Variants in DAB2IP observed in about 807,000 individuals in gnomAD.
DAB2IP encodes the protein DAB2 interacting protein, also known as disabled homolog 2-interacting protein.
In DAB2IP, 28 loss-of-function variants were observed where a neutral mutation model predicts 107.2. The observed-to-expected ratio is 0.26, with a 90% CI of 0.19 to 0.36. The LOEUF (loss-of-function observed/expected upper bound fraction) is 0.36, where lower values mean the gene tolerates loss of function less well. Among genes scored for constraint, DAB2IP ranks in the 10% least tolerant of loss-of-function variants. DAB2IP has a pLI of 1.00. For synonymous variants in DAB2IP, 755 were observed against 706.4 expected, an observed-to-expected ratio of 1.07 and a Z score of -1.09; for missense variants, 1,400 against 1,644.7, an observed-to-expected ratio of 0.85 and a Z score of 2.57.
Position 121,699,353 on chromosome 9 carries a change from C to A in DAB2IP, c.257C>A (p.Ser86Tyr). 6.8e-7 allele frequency: 1 copy of A among 1,474,680 alleles called. No individual in the cohort carries two copies. The highest frequency in any genetic ancestry group is 9.1e-7 in the Non-Finnish European group (1 of 1,102,356). The allele number at this position is 1,474,680 out of a possible 1,614,324, so 91.3% of individuals were successfully genotyped here. A position where few individuals can be genotyped will look rare whatever the true frequency, so the allele number is the denominator to read the frequency against. Reference sequence around the variant, plus strand: ...TTCCTCAGCCGCCGCCTCAAGGGCTCCATCAAGCGCACCAAGAGCCAGCCC... The same window carrying A: ...TTCCTCAGCCGCCGCCTCAAGGGCTACATCAAGCGCACCAAGAGCCAGCCC... The change falls in exon 3 of 16, where the codon TCC becomes TAC. Residue 86 changes from serine to tyrosine, a missense_variant. Physicochemically the swap from Ser to Tyr is moderately radical, Grantham distance 144. Coordinates refer to ENST00000408936, the Ensembl canonical transcript of DAB2IP. This position sits in a 1 kb window ranked among gnomAD's most constrained non-coding sequence, Gnocchi z 6.2.
chr9:121,705,782 A>G lies in DAB2IP; in HGVS notation c.362+6324A>G, dbSNP rs555700583. ...CCAGGTGCCAGGCCTGACAGGTGCCATGGGACTGCTTTCATTCTCCTCCAG... is the reference window on the plus strand; with the variant it reads ...CCAGGTGCCAGGCCTGACAGGTGCCGTGGGACTGCTTTCATTCTCCTCCAG... On this transcript the variant is annotated intron_variant, in intron 3 of 15. Coordinates refer to ENST00000408936, the Ensembl canonical transcript of DAB2IP. 1.1e-4 allele frequency among the ~76,000 whole-genome samples: 17 copies of G among 152,344 alleles called. No individual in the cohort carries two copies. The East Asian group carries it at 2.9e-3, about 26-fold the overall frequency.
intron 1 of DAB2IP, among the ~76,000 whole-genome samples, chr9:121,577,438 G>A (rs1369021051): frequency 6.6e-6 from 1 of 152,240 alleles, no homozygotes; most frequent in Admixed American, 6.5e-5. Context: ...GCGTGCGTGA[G>A]TGCAGGAGCT....
At chr9:121,672,932 T>G (rs1321799802) in intron 1 of DAB2IP, among the ~76,000 whole-genome samples, 1 of 152,198 alleles carries the variant, frequency 6.6e-6, no homozygotes, top group African/African-American at 2.4e-5. Context: ...TAGAAAAGAT[T>G]TGCTGCAAAA....
intron 1 of DAB2IP, among the ~76,000 whole-genome samples, chr9:121,637,827 A>G (rs915841599): frequency 6.6e-6 from 1 of 152,202 alleles, no homozygotes; most frequent in Non-Finnish European, 1.5e-5. Context: ...CAGAATGAGA[A>G]GCCCTGCAAC....
chr9:121,685,722 T>G (rs1321918236), intron 2 of DAB2IP, among the ~76,000 whole-genome samples: 1 of 152,230 alleles, frequency 6.6e-6, no homozygotes, highest in African/African-American at 2.4e-5. Context: ...TGCCAGTCAT[T>G]GAGGATACAA....
At chr9:121,592,789 G>A (rs1373683497) in intron 1 of DAB2IP, among the ~76,000 whole-genome samples, 3 of 152,236 alleles carry the variant, frequency 2.0e-5, no homozygotes, top group Non-Finnish European at 1.5e-5. Flanking sequence ...CATCCCTTGG[G>A]GAAGGTGCTG....
intron 1 of DAB2IP, among the ~76,000 whole-genome samples, chr9:121,631,040 GC>G (rs1399260465): frequency 6.6e-6 from 1 of 152,236 alleles, no homozygotes; most frequent in East Asian, 1.9e-4. Context: ...CAGGCTGGGG[GC>G]TACCCCATGC....
intron 2 of DAB2IP, among the ~76,000 whole-genome samples, chr9:121,687,066 C>G (rs1292646302): frequency 6.6e-6 from 1 of 152,168 alleles, no homozygotes; most frequent in Admixed American, 6.5e-5. Context: ...CAGAGGGTAG[C>G]AAGTGGACTT....
chr9:121,715,347 C>CTTTTTT (rs201505312), intron 3 of DAB2IP, among the ~76,000 whole-genome samples: 1 of 148,608 alleles, frequency 6.7e-6, no homozygotes, highest in African/African-American at 2.5e-5. Flanking sequence ...CTTTTTCTTT[C>CTTTTTT]TTTCTTTTTT....
intron 12 of DAB2IP, 87 bp from the exon 13 acceptor site, chr9:121,774,173 T>C (rs1835007643): frequency 7.1e-7 from 1 of 1,400,176 alleles, no homozygotes; most frequent in Non-Finnish European, 9.4e-7. Context: ...CAGAGTTGCT[T>C]GTCCTTGTGG....
At chr9:121,691,102 G>C (rs1017091703) in intron 2 of DAB2IP, among the ~76,000 whole-genome samples, 1 of 152,158 alleles carries the variant, frequency 6.6e-6, no homozygotes, top group African/African-American at 2.4e-5. Flanking sequence ...GCCCCACAGA[G>C]CACTTTATCT....
intron 1 of DAB2IP, among the ~76,000 whole-genome samples, chr9:121,655,486 C>T (rs540095053): frequency 2.0e-5 from 3 of 152,312 alleles, no homozygotes; most frequent in Non-Finnish European, 4.4e-5. Flanking sequence ...GGAGATGAAT[C>T]ACATGTGCTC....
chr9:121,604,695 G>A (rs1360688098), intron 1 of DAB2IP, among the ~76,000 whole-genome samples: 1 of 152,158 alleles, frequency 6.6e-6, no homozygotes, highest in African/African-American at 2.4e-5. Context: ...GTTCCTCCGG[G>A]CTTGTAGCTC....
At chr9:121,688,744 C>T (rs996339325) in intron 2 of DAB2IP, among the ~76,000 whole-genome samples, 5 of 152,220 alleles carry the variant, frequency 3.3e-5, no homozygotes, top group Non-Finnish European at 7.3e-5. Context: ...AAGGACTCAC[C>T]TGTGGCAGGC....
intron 1 of DAB2IP, among the ~76,000 whole-genome samples, chr9:121,627,093 C>A (rs1228728302): frequency 6.7e-6 from 1 of 149,572 alleles, no homozygotes; most frequent in South Asian, 2.1e-4. Flanking sequence ...AGACTGAAAA[C>A]TAAGCCTTTT....
intron 3 of DAB2IP, among the ~76,000 whole-genome samples, chr9:121,740,424 C>T (rs889761511): frequency 6.6e-6 from 1 of 152,176 alleles, no homozygotes; most frequent in Non-Finnish European, 1.5e-5. Context: ...GGTCCACGGC[C>T]CCTAAATAAG....
chr9:121,759,844 G>T, intron 5 of DAB2IP, 41 bp from the exon 6 acceptor site: 1 of 1,555,088 alleles, frequency 6.4e-7, no homozygotes, highest in Non-Finnish European at 8.7e-7. Flanking sequence ...GTTGCACGTG[G>T]CACCCCCAGC....
At position 121,651,814 on chromosome 9, in the gene DAB2IP, G is replaced by A; in HGVS notation, c.39G>A (p.Arg13=). The change falls in exon 1 of 16, where the codon AGG becomes AGA. Residue 13 remains arginine (R), a synonymous_variant. Transcript: ENST00000408936. The surrounding 1 kb of genome is among the most constrained non-coding windows in gnomAD (Gnocchi z 5.1). ...GCAGCGCCAGGAAGAGCACCGGGAGGTCCTCCTACTACTACCGGCTGCTGA... is the reference window on the plus strand; with the variant it reads ...GCAGCGCCAGGAAGAGCACCGGGAGATCCTCCTACTACTACCGGCTGCTGA... 1 of 1,466,088 alleles carries A rather than the reference G, an allele frequency of 6.8e-7. No individual in the cohort carries two copies. The highest frequency in any genetic ancestry group is 9.0e-7 in the Non-Finnish European group (1 of 1,106,610). The allele number at this position is 1,466,088 out of a possible 1,614,324, so 90.8% of individuals were successfully genotyped here.
chr9:121,689,109 A>G (rs887559841), intron 2 of DAB2IP, among the ~76,000 whole-genome samples: 1 of 152,128 alleles, frequency 6.6e-6, no homozygotes, highest in Non-Finnish European at 1.5e-5. Context: ...CATGGTCAAC[A>G]TGGTGAAACC....
Sources: gnomAD v4.1 joint callset for allele counts (sites outside exome capture counted in the v4.1 genomes callset) on GRCh38, gnomAD v4.1.1 for gene constraint, Gnocchi (gnomAD v3.1) non-coding constraint, MANE v1.5 for transcripts, NCBI Gene and HGNC (gene_info 2026-07-23, HGNC 2026-07-21) for gene names.